CNTN5: variants seen among roughly 807,000 people sequenced by gnomAD.
CNTN5 encodes contactin-5.
Under a neutral mutation model 129.1 loss-of-function variants are expected in CNTN5, and 77 were observed. That is an observed-to-expected ratio of 0.60 (90% CI 0.50 to 0.72). The LOEUF (loss-of-function observed/expected upper bound fraction) is 0.72, where lower values mean the gene tolerates loss of function less well. Among genes scored for constraint, CNTN5 ranks in the 30% least tolerant of loss-of-function variants. The pLI is 0.00. For synonymous variants in CNTN5, 509 were observed against 465.6 expected, an observed-to-expected ratio of 1.09 and a Z score of -1.20; for missense variants, 1,478 against 1,328.8, an observed-to-expected ratio of 1.11 and a Z score of -1.75.
chr11:99,322,567 A>G (rs7112788), intron 1 of CNTN5, among the ~76,000 whole-genome samples: 7,634 of 152,190 alleles, frequency 0.05, 620 homozygotes, highest in African/African-American at 0.17. Context: ...ATTAATTATC[A>G]ATTTAAGGTT....
At chr11:100,290,110 T>C (rs1456408843) in intron 18 of CNTN5, among the ~76,000 whole-genome samples, 2 of 151,092 alleles carry the variant, frequency 1.3e-5, no homozygotes, top group Admixed American at 6.6e-5. Context: ...TAAAAGAGGA[T>C]ACAGACAAAT....
At chr11:99,220,194 T>C (rs737239) in intron 1 of CNTN5, among the ~76,000 whole-genome samples, 110,288 of 151,832 alleles carry the variant, frequency 0.73, 40,424 homozygotes, top group East Asian at 0.99. Flanking sequence ...CATTTTGTTA[T>C]GAAAGTCTTC....
intron 2 of CNTN5, among the ~76,000 whole-genome samples, chr11:99,331,307 A>G (rs1865990249): frequency 6.6e-6 from 1 of 152,130 alleles, no homozygotes; most frequent in Non-Finnish European, 1.5e-5. Context: ...TTGTGCTAGT[A>G]AAATATATTA....
At chr11:99,950,650 A>G (rs1159654890) in intron 7 of CNTN5, among the ~76,000 whole-genome samples, 2 of 152,174 alleles carry the variant, frequency 1.3e-5, no homozygotes, top group African/African-American at 4.8e-5. Context: ...TACAAGATGA[A>G]TTTATATTCT....
intron 18 of CNTN5, among the ~76,000 whole-genome samples, chr11:100,290,950 C>A (rs1341540801): frequency 6.6e-6 from 1 of 151,610 alleles, no homozygotes; most frequent in East Asian, 2.0e-4. Flanking sequence ...GGGCAAAGGA[C>A]ATGAACAGAC....
chr11:99,940,315 C>T (rs1037700813), intron 7 of CNTN5, among the ~76,000 whole-genome samples: 6 of 151,872 alleles, frequency 4.0e-5, no homozygotes, highest in Non-Finnish European at 7.4e-5. Flanking sequence ...TTAGATCCTC[C>T]AAATATTAGT....
intron 2 of CNTN5, among the ~76,000 whole-genome samples, chr11:99,452,372 GTTT>G (rs71463577): frequency 1.9e-5 from 2 of 104,358 alleles, no homozygotes; most frequent in East Asian, 3.2e-4. Flanking sequence ...AAACACAGGT[GTTT>G]TTTTTTTTTT....
chr11:99,769,448 T>C (rs530135895), intron 3 of CNTN5, among the ~76,000 whole-genome samples: 2 of 152,152 alleles, frequency 1.3e-5, no homozygotes, highest in Non-Finnish European at 1.5e-5. Context: ...TTCAGTGATA[T>C]ATGGTTTTTC....
chr11:100,145,961 G>C (rs1052926640), intron 13 of CNTN5, among the ~76,000 whole-genome samples: 1 of 152,130 alleles, frequency 6.6e-6, no homozygotes, highest in African/African-American at 2.4e-5. Flanking sequence ...ATTAGAATCA[G>C]ATACCATGGA....
intron 6 of CNTN5, among the ~76,000 whole-genome samples, chr11:99,870,031 T>C (rs1425645343): frequency 6.6e-6 from 1 of 152,114 alleles, no homozygotes; most frequent in Non-Finnish European, 1.5e-5. Context: ...GGCACCACTC[T>C]CAGTGGTAGG....
At chr11:99,199,967 A>ACATCATCAT (rs147514290) in intron 1 of CNTN5, among the ~76,000 whole-genome samples, 46 of 151,530 alleles carry the variant, frequency 3.0e-4, no homozygotes, top group African/African-American at 8.0e-4. Context: ...ATATCCATCA[A>ACATCATCAT]CATCATCATC....
At chr11:99,061,864 C>T (rs564625997) in intron 1 of CNTN5, among the ~76,000 whole-genome samples, 1 of 151,802 alleles carries the variant, frequency 6.6e-6, no homozygotes, top group Non-Finnish European at 1.5e-5. Context: ...TGGTGTCACA[C>T]ATCTGTAGTC....
chr11:100,040,039 G>A (rs1409191019), intron 9 of CNTN5, among the ~76,000 whole-genome samples: 1 of 152,168 alleles, frequency 6.6e-6, no homozygotes, highest in Non-Finnish European at 1.5e-5. Context: ...GAGGAGGAGA[G>A]GCACTCTGAT....
chr11:99,626,650 T>C (rs1470352588), intron 3 of CNTN5, among the ~76,000 whole-genome samples: 2 of 152,128 alleles, frequency 1.3e-5, no homozygotes, highest in African/African-American at 4.8e-5. Flanking sequence ...TATAAAATAC[T>C]ATATATGAGG....
intron 3 of CNTN5, among the ~76,000 whole-genome samples, chr11:99,588,428 A>G (rs541679452): frequency 4.6e-5 from 7 of 151,950 alleles, no homozygotes; most frequent in African/African-American, 1.7e-4. Flanking sequence ...GCAAAGGTAC[A>G]ATGTTCCATG....
intron 13 of CNTN5, among the ~76,000 whole-genome samples, chr11:100,123,156 T>C (rs1946080840): frequency 6.6e-6 from 1 of 152,026 alleles, no homozygotes. Flanking sequence ...TGTACTCATC[T>C]TTGTCTCATA....
chr11:99,664,384 G>A lies in CNTN5; in HGVS notation c.55+108115G>A, dbSNP rs529587105. On this transcript the variant is annotated intron_variant, in intron 3 of 24. Transcript: ENST00000524871. ...ATTTATACAAGTTGTAGGTTGTGGT[G>A]ATTTTCTTTCCCCACCAGTAGAGTA... Among the ~76,000 whole-genome samples, 6 of 152,196 alleles carry A rather than the reference G, an allele frequency of 3.9e-5. No individual in the cohort carries two copies. In the East Asian group the frequency reaches 7.7e-4, roughly 20 times the overall value.
chr11:99,873,319 G>GC (rs754775246), intron 6 of CNTN5, among the ~76,000 whole-genome samples: 3 of 150,904 alleles, frequency 2.0e-5, no homozygotes, highest in Admixed American at 6.6e-5. Flanking sequence ...TGAAAATGAT[G>GC]CCTCAGGATA....
intron 1 of CNTN5, among the ~76,000 whole-genome samples, chr11:99,131,215 TC>T: frequency 8.4e-6 from 1 of 119,204 alleles, no homozygotes; most frequent in East Asian, 2.7e-4. Context: ...ACCACTGCAC[TC>T]CAGCCTGGGT....
Sources: allele counts gnomAD v4.1 joint callset (sites outside exome capture counted in the v4.1 genomes callset), GRCh38; gene constraint gnomAD v4.1.1; transcripts MANE v1.5; gene names NCBI Gene and HGNC (gene_info 2026-07-23, HGNC 2026-07-21).